KIAA1217: variants seen among roughly 807,000 people sequenced by gnomAD.
KIAA1217 encodes KIAA1217, also known as sickle tail protein homolog.
KIAA1217 carries 88 observed loss-of-function variants against 163.9 expected under a neutral mutation model. The ratio of observed to expected loss-of-function variants is 0.54; its 90% confidence interval spans 0.45 to 0.64. KIAA1217 has a LOEUF of 0.64. Ranked by LOEUF, KIAA1217 falls within the 30% of genes least tolerant of loss-of-function variation. The probability of loss-of-function intolerance (pLI) is 0.00; values close to 1 mark genes in which losing one functional copy is unlikely to be tolerated. For synonymous variants in KIAA1217, 903 were observed against 923.1 expected (o/e 0.98, Z 0.39); for missense variants, 2,372 against 2,475.0 (o/e 0.96, Z 0.88).
chr10:24,206,037 A>C (rs2067538159), upstream of KIAA1217, among the ~76,000 whole-genome samples: 1 of 152,216 alleles, frequency 6.6e-6, no homozygotes, highest in South Asian at 2.1e-4. Flanking sequence ...TTCCTTTTAA[A>C]TGACATTTGT....
intron 14 of KIAA1217, among the ~76,000 whole-genome samples, chr10:24,531,557 C>A (rs2073126235): frequency 6.6e-6 from 1 of 152,120 alleles, no homozygotes; most frequent in Non-Finnish European, 1.5e-5. Context: ...GCGTATAAGT[C>A]ATTCAATCCT....
chr10:24,070,524 G>A (rs1185699109), intron 2 of KIAA1217, among the ~76,000 whole-genome samples: 12 of 152,044 alleles, frequency 7.9e-5, no homozygotes, highest in Admixed American at 2.6e-4. Flanking sequence ...TTAATCTTTG[G>A]ATAATTCATT....
At chr10:24,252,589 G>A (rs1283090376) in intron 2 of KIAA1217, among the ~76,000 whole-genome samples, 2 of 151,918 alleles carry the variant, frequency 1.3e-5, no homozygotes, top group African/African-American at 4.8e-5. Context: ...AAAAAAGAAA[G>A]ATAATTTTGA....
chr10:23,795,383 A>G (rs1398289841), intron 1 of KIAA1217, among the ~76,000 whole-genome samples: 1 of 152,122 alleles, frequency 6.6e-6, no homozygotes, highest in African/African-American at 2.4e-5. Flanking sequence ...AAAAAGCCAC[A>G]TGGACACCAG....
chr10:24,177,225 G>A (rs1370361044), intron 2 of KIAA1217, among the ~76,000 whole-genome samples: 62 of 137,464 alleles, frequency 4.5e-4, no homozygotes, highest in African/African-American at 1.6e-3. Context: ...GAAAGCGAGC[G>A]AGGGCTGCTA....
chr10:23,775,872 T>C (rs974948785), intron 1 of KIAA1217, among the ~76,000 whole-genome samples: 8 of 152,206 alleles, frequency 5.3e-5, no homozygotes, highest in African/African-American at 1.9e-4. Context: ...GTCAGTGCCT[T>C]TTTTCTATTT....
At chr10:24,223,977 A>C (rs1258983210) in intron 2 of KIAA1217, among the ~76,000 whole-genome samples, 1 of 152,092 alleles carries the variant, frequency 6.6e-6, no homozygotes, top group African/African-American at 2.4e-5. Context: ...ATCTGACTTC[A>C]AACACTGGAA....
chr10:23,828,097 C>A (rs144555913), intron 1 of KIAA1217, among the ~76,000 whole-genome samples: 32 of 152,252 alleles, frequency 2.1e-4, no homozygotes, highest in African/African-American at 7.7e-4. Flanking sequence ...AAGTCCTGTG[C>A]ACAAAGACGG....
intron 1 of KIAA1217, among the ~76,000 whole-genome samples, chr10:23,942,272 T>A (rs1028137588): frequency 1.3e-5 from 2 of 152,106 alleles, no homozygotes; most frequent in Non-Finnish European, 2.9e-5. Context: ...TTTAAATAGC[T>A]TCTATAAATA....
At chr10:24,531,007 C>A (rs1281631103) in intron 14 of KIAA1217, among the ~76,000 whole-genome samples, 1 of 150,896 alleles carries the variant, frequency 6.6e-6, no homozygotes, top group African/African-American at 2.4e-5. Context: ...CCAGCCTGTG[C>A]AACATGGCAG....
chr10:24,131,509 A>G (rs2063650761), intron 2 of KIAA1217, among the ~76,000 whole-genome samples: 1 of 152,236 alleles, frequency 6.6e-6, no homozygotes, highest in South Asian at 2.1e-4. Flanking sequence ...CTCCACAAAT[A>G]CAGCCTACCA....
At chr10:24,380,389 G>T (rs1283417869) in intron 2 of KIAA1217, among the ~76,000 whole-genome samples, 1 of 152,044 alleles carries the variant, frequency 6.6e-6, no homozygotes, top group Non-Finnish European at 1.5e-5. Flanking sequence ...ACTTTGGGAG[G>T]CCGAGGCAGG....
chr10:24,489,562 A>G (rs1234720596), intron 6 of KIAA1217, among the ~76,000 whole-genome samples: 3 of 152,008 alleles, frequency 2.0e-5, no homozygotes, highest in African/African-American at 7.2e-5. Context: ...TCAAGGTGAA[A>G]CTTGAATCAA....
intron 2 of KIAA1217, among the ~76,000 whole-genome samples, chr10:24,274,603 C>T (rs2077086437): frequency 6.6e-6 from 1 of 152,086 alleles, no homozygotes; most frequent in African/African-American, 2.4e-5. Flanking sequence ...TATAAACTTG[C>T]CCTAAATACT....
intron 1 of KIAA1217, among the ~76,000 whole-genome samples, chr10:23,752,734 A>G (rs551190567): frequency 3.9e-4 from 59 of 152,324 alleles, no homozygotes; most frequent in African/African-American, 1.4e-3. Context: ...ATGTAAGCAT[A>G]AAGGAATGAT....
intron 2 of KIAA1217, among the ~76,000 whole-genome samples, chr10:24,010,762 C>A (rs1488980604): frequency 1.3e-5 from 2 of 151,942 alleles, no homozygotes; most frequent in Non-Finnish European, 2.9e-5. Flanking sequence ...CTGCTAACTT[C>A]TTTTCCTTTC....
chr10:24,384,897 C>G (rs566624965), intron 3 of KIAA1217, among the ~76,000 whole-genome samples: 1 of 152,292 alleles, frequency 6.6e-6, no homozygotes, highest in African/African-American at 2.4e-5. Context: ...TTGGGAGACC[C>G]TTAAATTTTG....
At chr10:24,348,835 G>T (rs1013093505) in intron 2 of KIAA1217, among the ~76,000 whole-genome samples, 7 of 152,098 alleles carry the variant, frequency 4.6e-5, no homozygotes, top group African/African-American at 7.2e-5. Flanking sequence ...TACTCCCAAG[G>T]GTTGGCCCAA....
intron 2 of KIAA1217, among the ~76,000 whole-genome samples, chr10:24,256,956 C>A (rs1041277269): frequency 2.0e-5 from 3 of 152,032 alleles, no homozygotes; most frequent in Non-Finnish European, 2.9e-5. Flanking sequence ...AGAAAGAAGG[C>A]CCAGGGAGTT....
Sources: allele counts gnomAD v4.1 joint callset (sites outside exome capture counted in the v4.1 genomes callset), GRCh38; gene constraint gnomAD v4.1.1; transcripts MANE v1.5; gene names NCBI Gene and HGNC (gene_info 2026-07-23, HGNC 2026-07-21).